GMDS: variants seen among roughly 807,000 people sequenced by gnomAD.
GMDS encodes the protein GDP-mannose 4,6-dehydratase.
In GMDS, 20 loss-of-function variants were observed where a neutral mutation model predicts 49.9. The ratio of observed to expected loss-of-function variants is 0.40; its 90% CI spans 0.28 to 0.58. The LOEUF is 0.58. GMDS is among the 20% of genes least tolerant of loss of function. The probability of loss-of-function intolerance (pLI) is 0.42; values close to 1 mark genes in which losing one functional copy is unlikely to be tolerated. For missense variants in GMDS, 362 were observed against 481.4 expected (o/e 0.75, Z 2.32); for synonymous variants, 177 against 178.6 (o/e 0.99, Z 0.07).
At chr6:1,777,069 C>G (rs1452964030) in intron 7 of GMDS, among the ~76,000 whole-genome samples, 1 of 152,144 alleles carries the variant, frequency 6.6e-6, no homozygotes, top group East Asian at 1.9e-4. Flanking sequence ...CACATTTTAC[C>G]CTGTAAAATT....
At chr6:1,735,248 C>T (rs1247709943) in intron 8 of GMDS, among the ~76,000 whole-genome samples, 1 of 152,248 alleles carries the variant, frequency 6.6e-6, no homozygotes, top group Non-Finnish European at 1.5e-5. Flanking sequence ...ATCTCCCTTC[C>T]TCCCATCCCC....
chr6:2,075,303 G>A (rs1772265893), intron 4 of GMDS, among the ~76,000 whole-genome samples: 1 of 151,694 alleles, frequency 6.6e-6, no homozygotes, highest in Admixed American at 6.6e-5. Flanking sequence ...TAAGTTTTAG[G>A]GTACATGTGC....
At chr6:1,815,425 G>T (rs905295794) in intron 7 of GMDS, among the ~76,000 whole-genome samples, 1 of 152,254 alleles carries the variant, frequency 6.6e-6, no homozygotes, top group East Asian at 1.9e-4. Flanking sequence ...AGTTCTAAAC[G>T]AAGGCTACAT....
intron 1 of GMDS, among the ~76,000 whole-genome samples, chr6:2,197,994 G>A (rs1260138667): frequency 6.6e-6 from 1 of 152,174 alleles, no homozygotes; most frequent in Non-Finnish European, 1.5e-5. Flanking sequence ...TACCATCGGG[G>A]AGACACTGTA....
intron 4 of GMDS, among the ~76,000 whole-genome samples, chr6:2,007,261 G>A (rs1348642666): frequency 6.6e-6 from 1 of 152,130 alleles, no homozygotes; most frequent in Non-Finnish European, 1.5e-5. Flanking sequence ...AACACAAAGT[G>A]TGTTACTGAA....
chr6:1,642,190 A>G (rs1763352117), intron 9 of GMDS, among the ~76,000 whole-genome samples: 2 of 140,872 alleles, frequency 1.4e-5, no homozygotes, highest in African/African-American at 2.7e-5. Flanking sequence ...AGAAAAAAAT[A>G]GAGTCTCACT....
intron 1 of GMDS, among the ~76,000 whole-genome samples, chr6:2,223,136 GCTCT>G (rs1275964333): frequency 6.3e-4 from 93 of 148,622 alleles, no homozygotes; most frequent in Admixed American, 2.0e-4. Context: ...TCAATAGCGC[GCTCT>G]CTCTCTCTCT....
chr6:2,054,838 C>T (rs1770689225), intron 4 of GMDS, among the ~76,000 whole-genome samples: 1 of 151,880 alleles, frequency 6.6e-6, no homozygotes, highest in South Asian at 2.1e-4. Flanking sequence ...CCACATGATC[C>T]ATTTTCAGAA....
At chr6:1,668,920 C>T (rs1309686806) in intron 9 of GMDS, among the ~76,000 whole-genome samples, 2 of 152,186 alleles carry the variant, frequency 1.3e-5, no homozygotes, top group African/African-American at 4.8e-5. Flanking sequence ...CTCAGGAGAA[C>T]AGAGCCAGTG....
intron 1 of GMDS, among the ~76,000 whole-genome samples, chr6:2,231,337 TG>T (rs1256104764): frequency 6.6e-6 from 1 of 152,054 alleles, no homozygotes; most frequent in Non-Finnish European, 1.5e-5. Flanking sequence ...GGTGGGCGGA[TG>T]GCTTGAGCTC....
intron 4 of GMDS, among the ~76,000 whole-genome samples, chr6:1,993,753 A>AG (rs766717627): frequency 6.7e-6 from 1 of 149,556 alleles, no homozygotes; most frequent in Admixed American, 6.7e-5. Flanking sequence ...AAAAAAAGGC[A>AG]GAAAAAGTAA....
intron 8 of GMDS, among the ~76,000 whole-genome samples, chr6:1,730,569 GCTCAGT>G (rs1357892955): frequency 1.5e-4 from 23 of 152,126 alleles, no homozygotes; most frequent in African/African-American, 5.1e-4. Flanking sequence ...AAGGCTACAG[GCTCAGT>G]GAAGAGTGGG....
At chr6:1,672,397 T>C (rs1317707455) in intron 9 of GMDS, among the ~76,000 whole-genome samples, 2 of 152,252 alleles carry the variant, frequency 1.3e-5, no homozygotes, top group Non-Finnish European at 2.9e-5. Flanking sequence ...TGCAGGCATG[T>C]GTAAACAGAG....
chr6:1,832,762 C>A (rs1756721881), intron 7 of GMDS, among the ~76,000 whole-genome samples: 1 of 151,492 alleles, frequency 6.6e-6, no homozygotes, highest in South Asian at 2.1e-4. Flanking sequence ...TTTCAGAAAG[C>A]ATATCTGCAA....
At chr6:2,225,603 G>A (rs986309788) in intron 1 of GMDS, among the ~76,000 whole-genome samples, 7 of 152,084 alleles carry the variant, frequency 4.6e-5, no homozygotes, top group Non-Finnish European at 8.8e-5. Context: ...GCTTGCATCC[G>A]GATCAGTGTG....
chr6:1,840,260 C>T (rs1757099025), intron 7 of GMDS, among the ~76,000 whole-genome samples: 1 of 152,150 alleles, frequency 6.6e-6, no homozygotes, highest in African/African-American at 2.4e-5. Context: ...GGAAGGGGCA[C>T]CCAGGTCTCT....
At chr6:2,041,149 C>G (rs1769650619) in intron 4 of GMDS, among the ~76,000 whole-genome samples, 1 of 152,090 alleles carries the variant, frequency 6.6e-6, no homozygotes. Context: ...GATATTACAT[C>G]CATGTACAAA....
intron 6 of GMDS, among the ~76,000 whole-genome samples, chr6:1,931,893 A>C (rs988757875): frequency 6.6e-6 from 1 of 152,224 alleles, no homozygotes; most frequent in African/African-American, 2.4e-5. Context: ...ACCAATCACT[A>C]AGCACTGAGC....
intron 4 of GMDS, among the ~76,000 whole-genome samples, chr6:2,094,305 G>A (rs1433331094): frequency 6.6e-6 from 1 of 152,212 alleles, no homozygotes; most frequent in Non-Finnish European, 1.5e-5. Flanking sequence ...ATTTGAGCTA[G>A]ATCTACAAGA....
Sources: allele counts gnomAD v4.1 joint callset (sites outside exome capture counted in the v4.1 genomes callset), GRCh38; gene constraint gnomAD v4.1.1; transcripts MANE v1.5; gene names NCBI Gene and HGNC (gene_info 2026-07-23, HGNC 2026-07-21).